Variants in NAV1 observed in about 807,000 individuals in gnomAD.
NAV1 encodes the protein pore membrane and/or filament interacting like protein 3.
Under a neutral mutation model 175.2 loss-of-function variants are expected in NAV1, and 18 were observed. The ratio of observed to expected loss-of-function variants is 0.10; its 90% confidence interval spans 0.07 to 0.15. NAV1 has a LOEUF of 0.15. NAV1 is among the 10% of genes least tolerant of loss of function. The pLI is 1.00. For synonymous variants in NAV1, 897 were observed against 978.7 expected (o/e 0.92, Z 1.56); for missense variants, 1,731 against 2,436.6 (o/e 0.71, Z 6.10).
At chr1:201,708,360 C>T (rs1056686619) in intron 1 of NAV1, among the ~76,000 whole-genome samples, 1 of 152,156 alleles carries the variant, frequency 6.6e-6, no homozygotes, top group Non-Finnish European at 1.5e-5. Context: ...TCATGAGCTC[C>T]TCCCCATAGA....
intron 1 of NAV1, among the ~76,000 whole-genome samples, chr1:201,651,322 G>T (rs1302242118): frequency 6.6e-6 from 1 of 152,066 alleles, no homozygotes; most frequent in Non-Finnish European, 1.5e-5. Context: ...TGTCCCAGAA[G>T]CTGACTGCCC....
intron 3 of NAV1, among the ~76,000 whole-genome samples, chr1:201,732,390 G>A (rs1672899862): frequency 6.6e-6 from 1 of 151,944 alleles, no homozygotes; most frequent in African/African-American, 2.4e-5. Context: ...TGCTGCCCAG[G>A]CGGGTCTCAA....
intron 3 of NAV1, among the ~76,000 whole-genome samples, chr1:201,746,835 C>T (rs1341716079): frequency 6.6e-6 from 1 of 151,842 alleles, no homozygotes; most frequent in East Asian, 1.9e-4. Flanking sequence ...ACCTCCATCT[C>T]TACAAAAAAA....
At position 201,650,653 on chromosome 1, in the gene NAV1, C is replaced by G. The variant is rs909203192; in HGVS notation, c.757+1228C>G. ...CTGGAGAATGCGAAGCCGGAGGAGACCGGTTCGGCCTGCTGCAGTCTTCCT... is the reference window on the plus strand; with the variant it reads ...CTGGAGAATGCGAAGCCGGAGGAGAGCGGTTCGGCCTGCTGCAGTCTTCCT... On this transcript the variant is annotated intron_variant, in intron 1 of 29. Coordinates refer to ENST00000367296, the Ensembl canonical transcript of NAV1. 2.6e-5 allele frequency among the ~76,000 whole-genome samples: 4 copies of G among 152,172 alleles called. 1 individual carries two copies. The highest frequency in any genetic ancestry group is 9.6e-5 in the African/African-American group (4 of 41,468).
chr1:201,604,180 G>T (rs1313408817), intron 2 of NAV1, among the ~76,000 whole-genome samples: 1 of 152,084 alleles, frequency 6.6e-6, no homozygotes, highest in South Asian at 2.1e-4. Context: ...TCAGCCTCCC[G>T]AGTAGCTGTG....
At chr1:201,659,882 C>T (rs537108070) in intron 1 of NAV1, among the ~76,000 whole-genome samples, 3 of 152,328 alleles carry the variant, frequency 2.0e-5, no homozygotes, top group East Asian at 3.9e-4. Context: ...CTTTAAGATG[C>T]CACTGGCTGT....
chr1:201,591,728 A>C (rs1418229955), intron 2 of NAV1, among the ~76,000 whole-genome samples: 2 of 152,164 alleles, frequency 1.3e-5, no homozygotes, highest in African/African-American at 4.8e-5. Context: ...CTCCCTCTCA[A>C]GAGCATCTTC....
chr1:201,718,877 C>A lies in NAV1; in HGVS notation c.1226+122C>A. 1 of 1,252,846 alleles carries A rather than the reference C, an allele frequency of 8.0e-7. No individual in the cohort carries two copies. Among genetic ancestry groups the A allele is most frequent in the Non-Finnish European group, 1.1e-6 (1 of 893,862 alleles). The allele number at this position is 1,252,846 out of a possible 1,614,324, so 77.6% of individuals were successfully genotyped here. ...GGTTTGCTGTGCTGCTATGAAAGTACACAAAAGTGTGCTGTGTACACTTTG... is the reference window on the plus strand; with the variant it reads ...GGTTTGCTGTGCTGCTATGAAAGTAAACAAAAGTGTGCTGTGTACACTTTG... On this transcript the variant is annotated intron_variant, in intron 3 of 29. Transcript: ENST00000367296. The surrounding 1 kb of genome is among the most constrained non-coding windows in gnomAD (Gnocchi z 4.8).
rs777661769 is a variant in NAV1 at position 201,788,620 on chromosome 1, C to T, written c.3148C>T (p.Arg1050Ter). ...GGGAATGATTCGGTCAGGATCCTTCCGAGACCCCACGGACGATGGTGAGAC... is the reference window on the plus strand; with the variant it reads ...GGGAATGATTCGGTCAGGATCCTTCTGAGACCCCACGGACGATGGTGAGAC... The change falls in exon 10 of 30, where the codon CGA becomes TGA. Residue 1050 changes from arginine to a stop codon, truncating the protein, a stop_gained. Transcript: ENST00000367296. LOFTEE classifies it high-confidence loss of function. The surrounding 1 kb of genome is among the most constrained non-coding windows in gnomAD (Gnocchi z 5.7). 1 of 1,613,158 alleles carries T rather than the reference C, an allele frequency of 6.2e-7. No individual in the cohort carries two copies. The highest frequency in any genetic ancestry group is 8.5e-7 in the Non-Finnish European group (1 of 1,179,484).
At chr1:201,600,676 A>C (rs1343305950) in intron 2 of NAV1, among the ~76,000 whole-genome samples, 3 of 150,218 alleles carry the variant, frequency 2.0e-5, no homozygotes, top group African/African-American at 4.9e-5. Context: ...GGGAGTGACA[A>C]AAAAAAAATG....
intron 1 of NAV1, among the ~76,000 whole-genome samples, chr1:201,661,620 T>G (rs1433836750): frequency 6.6e-6 from 1 of 152,088 alleles, no homozygotes; most frequent in Non-Finnish European, 1.5e-5. Flanking sequence ...AAATAGGGAT[T>G]AGACTCCCCA....
rs1010995890 is a variant in NAV1 at position 201,740,696 on chromosome 1, G to A, written c.1226+21941G>A. ...AAGCCTGGTGCTCTACCCTGGGAAGGGGTGAAAAATCGGAGAGCCGGGTAA... is the reference window on the plus strand; with the variant it reads ...AAGCCTGGTGCTCTACCCTGGGAAGAGGTGAAAAATCGGAGAGCCGGGTAA... On this transcript the variant is annotated intron_variant, in intron 3 of 29. Transcript: ENST00000367296. This position sits in a 1 kb window ranked among gnomAD's most constrained non-coding sequence, Gnocchi z 4.7. Among the ~76,000 whole-genome samples, 4 of 152,232 alleles carry A rather than the reference G, an allele frequency of 2.6e-5. No individual in the cohort carries two copies. The highest frequency in any genetic ancestry group is 9.6e-5 in the African/African-American group (4 of 41,534).
chr1:201,605,129 CT>C (rs572596717), intron 2 of NAV1, among the ~76,000 whole-genome samples: 3,983 of 139,634 alleles, frequency 0.029, 75 homozygotes, highest in Middle Eastern at 0.051. Flanking sequence ...CTGGCTTCTG[CT>C]TTTTTTTTTT....
chr1:201,623,388 A>G (rs1244508872), exon 1 of NAV1: 6 of 985,790 alleles, frequency 6.1e-6, no homozygotes, highest in Non-Finnish European at 3.6e-6. Flanking sequence ...GGAAGCCTCC[A>G]AGCTGCCCAG....
At chr1:201,796,143 A>C (rs1387347692) in intron 15 of NAV1, 1 of 152,082 alleles carries the variant, frequency 6.6e-6, no homozygotes, top group Non-Finnish European at 1.5e-5. Flanking sequence ...ATTCATGTAC[A>C]AGTTTGTGTG....
At chr1:201,663,277 G>A (rs1669684061) in intron 1 of NAV1, among the ~76,000 whole-genome samples, 1 of 152,218 alleles carries the variant, frequency 6.6e-6, no homozygotes, top group Admixed American at 6.5e-5. Flanking sequence ...AAAGAAAATA[G>A]AAGAAATAAT....
At chr1:201,616,550 C>G (rs747974423) in intron 2 of NAV1, among the ~76,000 whole-genome samples, 1 of 152,010 alleles carries the variant, frequency 6.6e-6, no homozygotes, top group Non-Finnish European at 1.5e-5. Context: ...TGCAATAGCG[C>G]AATCTCGGCT....
In NAV1 at chr1:201,808,601, C is replaced by T. The variant is rs1678468683; in HGVS notation, c.4029C>T (p.His1343=). The T allele has an allele frequency of 9.9e-6, 16 of 1,614,140 alleles. No homozygotes were observed. Among genetic ancestry groups the T allele is most frequent in the African/African-American group, 1.3e-5 (1 of 74,950 alleles). The change falls in exon 19 of 30, where the codon CAC becomes CAT. Residue 1343 remains histidine (H), a synonymous_variant. Transcript: ENST00000367296. The surrounding 1 kb of genome is among the most constrained non-coding windows in gnomAD (Gnocchi z 5.5). ...TGGATCAGCTTCGGGAGACCATGCA[C>T]AACATGCAGGTCAGTGTCTGGGCGG...
chr1:201,670,570 T>C (rs888797318), intron 1 of NAV1, among the ~76,000 whole-genome samples: 1 of 146,518 alleles, frequency 6.8e-6, no homozygotes, highest in African/African-American at 2.6e-5. Context: ...GTAGAGATGA[T>C]GGTGATGGTT....
Sources: gnomAD v4.1 joint callset for allele counts (sites outside exome capture counted in the v4.1 genomes callset) on GRCh38, gnomAD v4.1.1 for gene constraint, Gnocchi (gnomAD v3.1) non-coding constraint, MANE v1.5 for transcripts, NCBI Gene and HGNC (gene_info 2026-07-23, HGNC 2026-07-21) for gene names.